SPATS2L: variants seen among roughly 807,000 people sequenced by gnomAD.
SPATS2L encodes SPATS2-like protein.
In SPATS2L, 30 loss-of-function variants were observed where a neutral mutation model predicts 59.6. The ratio of observed to expected loss-of-function variants is 0.50; its 90% CI spans 0.38 to 0.68. The LOEUF is 0.68. SPATS2L is among the 30% of genes least tolerant of loss of function. The probability of loss-of-function intolerance (pLI) is 0.00; values close to 1 mark genes in which losing one functional copy is unlikely to be tolerated. For synonymous variants in SPATS2L, 252 were observed against 263.5 expected (o/e 0.96, Z 0.42); for missense variants, 615 against 700.0 (o/e 0.88, Z 1.37).
At chr2:200,317,074 T>C (rs2079405268) in intron 1 of SPATS2L, among the ~76,000 whole-genome samples, 1 of 152,184 alleles carries the variant, frequency 6.6e-6, no homozygotes, top group Non-Finnish European at 1.5e-5. Flanking sequence ...GGTGGCCGCC[T>C]TTATGTTGTG....
In SPATS2L at chr2:200,439,282, T is replaced by C. The variant is rs768277948; in HGVS notation, c.606T>C (p.Pro202=). Residue 202 remains proline, a synonymous_variant, in exon 7 of 13, where the codon CCT becomes CCC. Transcript: ENST00000409140. ...CATCTCCTGTTAAGTCCAATACCCCTGCAGCTCATCTTGAAATAAAGCCAG... is the reference window on the plus strand; with the variant it reads ...CATCTCCTGTTAAGTCCAATACCCCCGCAGCTCATCTTGAAATAAAGCCAG... ...AKTSPVKSNT[P]AAHLEIKPDE... 1.2e-6 allele frequency: 2 copies of C among 1,613,660 alleles called. No homozygotes were observed. Among genetic ancestry groups the C allele is most frequent in the East Asian group, 2.2e-5 (1 of 44,862 alleles).
chr2:200,313,571 A>G (rs1299550917), intron 1 of SPATS2L, among the ~76,000 whole-genome samples: 2 of 151,962 alleles, frequency 1.3e-5, no homozygotes, highest in Non-Finnish European at 2.9e-5. Flanking sequence ...GGTCTCAATG[A>G]TCCTTTTCTT....
chr2:200,359,345 G>GT (rs899213343), intron 2 of SPATS2L, among the ~76,000 whole-genome samples: 15 of 152,010 alleles, frequency 9.9e-5, no homozygotes, highest in African/African-American at 2.9e-4. Flanking sequence ...ACCAAATCCA[G>GT]TTTTTTTTCC....
At chr2:200,456,287 A>G (rs770935118) in intron 8 of SPATS2L, among the ~76,000 whole-genome samples, 2 of 152,214 alleles carry the variant, frequency 1.3e-5, no homozygotes, top group Non-Finnish European at 2.9e-5. Flanking sequence ...CCACCCATAG[A>G]TAGCAGAGCT....
chr2:200,458,149 A>T (rs2085982947), intron 8 of SPATS2L, among the ~76,000 whole-genome samples: 1 of 152,238 alleles, frequency 6.6e-6, no homozygotes, highest in Admixed American at 6.5e-5. Flanking sequence ...TATGCAAACT[A>T]TACTTCATGA....
chr2:200,306,939 C>G lies in SPATS2L; in HGVS notation c.-73+17C>G. 1.0e-6 allele frequency: 1 copy of G among 982,488 alleles called. No individual in the cohort carries two copies. The highest frequency in any genetic ancestry group is 1.2e-6 in the Non-Finnish European group (1 of 828,792). 60.9% of individuals were successfully genotyped at this position (982,488 alleles called of 1,614,324 possible). The stretch of plus-strand genomic sequence containing the variant: ...GACACAGAGGTAAGCCCAGGACCCC[C>G]TCCACGCCGGGCCGGCTGGGGATGC... On this transcript the variant is annotated intron_variant, in intron 1 of 12. Transcript: ENST00000409140.
At position 200,478,004 on chromosome 2, in the gene SPATS2L, AG is replaced by A. The variant is rs1478412006; in HGVS notation, c.1651del (p.Val551SerfsTer4). The A allele has an allele frequency of 6.3e-7, 1 of 1,577,776 alleles. No individual in the cohort carries two copies. The highest frequency in any genetic ancestry group is 2.3e-5 in the East Asian group (1 of 44,322). On this transcript the variant is annotated frameshift_variant, in exon 13 of 13. Coordinates refer to ENST00000409140, the MANE Select transcript of SPATS2L (RefSeq NM_001100423.2). LOFTEE classifies it high-confidence loss of function. ...TTTCCACAGATGCAGCAGTTCTCTC[AG>A]TCCCGGCTGTGACGTTGGTGGCCTG... Reference protein sequence around the residue: ...EVSTDAAVLSVPAVTLVA With the variant: ...EVSTDAAVLSXPAVTLVA
chr2:200,330,731 G>A (rs946858291), intron 2 of SPATS2L, among the ~76,000 whole-genome samples: 1 of 152,194 alleles, frequency 6.6e-6, no homozygotes, highest in African/African-American at 2.4e-5. Context: ...GCAACAGCTT[G>A]ATGGAAAGAT....
At chr2:200,439,757 T>C (rs2084560491) in intron 7 of SPATS2L, among the ~76,000 whole-genome samples, 1 of 152,212 alleles carries the variant, frequency 6.6e-6, no homozygotes, top group Admixed American at 6.5e-5. Context: ...TCAGATATGG[T>C]CTTCCCAATG....
rs2085050086 is a variant in SPATS2L, at chr2:200,446,445, G to A, written c.788+5661G>A. On this transcript the variant is annotated intron_variant, in intron 8 of 12. Transcript: ENST00000409140. ...AGGGCCACAGCAGTGGTTCTCAATGGGACAATTTTGCCCCCAGGAGACCAT... is the reference window on the plus strand; with the variant it reads ...AGGGCCACAGCAGTGGTTCTCAATGAGACAATTTTGCCCCCAGGAGACCAT... Among the ~76,000 whole-genome samples, 5 of 152,218 alleles carry A rather than the reference G, an allele frequency of 3.3e-5. 1 individual carries two copies. Among genetic ancestry groups the A allele is most frequent in the Middle Eastern group, 6.8e-3 (2 of 294 alleles).
chr2:200,474,864 C>T (rs934496203), intron 12 of SPATS2L, among the ~76,000 whole-genome samples: 2 of 152,112 alleles, frequency 1.3e-5, no homozygotes, highest in Admixed American at 1.3e-4. Flanking sequence ...AACTTCTTGA[C>T]CCTCCCGCAG....
At chr2:200,470,903 C>T (rs555676948) in intron 11 of SPATS2L, among the ~76,000 whole-genome samples, 1 of 152,048 alleles carries the variant, frequency 6.6e-6, no homozygotes, top group Non-Finnish European at 1.5e-5. Context: ...ATTTAGATTG[C>T]TTGCAGTTTT....
At chr2:200,324,286 G>T (rs190305768) in intron 1 of SPATS2L, among the ~76,000 whole-genome samples, 1 of 152,272 alleles carries the variant, frequency 6.6e-6, no homozygotes, top group East Asian at 1.9e-4. Flanking sequence ...AGTTCCTGAG[G>T]GATGTAAGTG....
intron 12 of SPATS2L, among the ~76,000 whole-genome samples, chr2:200,474,103 C>CTT (rs559587714): frequency 0.012 from 1,679 of 144,362 alleles, 34 homozygotes; most frequent in African/African-American, 0.039. Context: ...AAAGTCTTTT[C>CTT]TTTTTTTTTT....
intron 11 of SPATS2L, among the ~76,000 whole-genome samples, chr2:200,470,506 C>T (rs2086946063): frequency 6.6e-6 from 1 of 152,142 alleles, no homozygotes; most frequent in Non-Finnish European, 1.5e-5. Flanking sequence ...TTCACTCAGC[C>T]ATTAGCTTTA....
At chr2:200,327,081 G>A (rs971847507) in intron 1 of SPATS2L, among the ~76,000 whole-genome samples, 1 of 151,526 alleles carries the variant, frequency 6.6e-6, no homozygotes, top group African/African-American at 2.4e-5. Context: ...GAAATCCTAT[G>A]CTGCAAATAT....
chr2:200,407,751 C>A (rs936941123), intron 3 of SPATS2L, among the ~76,000 whole-genome samples: 1 of 152,072 alleles, frequency 6.6e-6, no homozygotes, highest in African/African-American at 2.4e-5. Flanking sequence ...TTCTCCCTAC[C>A]CATATTATGC....
chr2:200,371,495 T>C (rs1005408927), intron 2 of SPATS2L, among the ~76,000 whole-genome samples: 40 of 152,140 alleles, frequency 2.6e-4, no homozygotes, highest in African/African-American at 9.4e-4. Context: ...ATCCCCATTG[T>C]AGAATATGTT....
chr2:200,318,108 G>A (rs1574378851), intron 1 of SPATS2L, among the ~76,000 whole-genome samples: 1 of 152,244 alleles, frequency 6.6e-6, no homozygotes, highest in South Asian at 2.1e-4. Context: ...TTGAAGTGCT[G>A]TAAACAGCAG....
Sources: allele counts gnomAD v4.1 joint callset (sites outside exome capture counted in the v4.1 genomes callset), GRCh38; gene constraint gnomAD v4.1.1; transcripts MANE v1.5; gene names NCBI Gene and HGNC (gene_info 2026-07-23, HGNC 2026-07-21).